Variants in MXI1 observed in about 807,000 individuals in gnomAD.
MXI1 encodes MAX interactor 1, dimerization protein.
Under a neutral mutation model 36.9 loss-of-function variants are expected in MXI1, and 18 were observed. The observed-to-expected ratio is 0.49, with a 90% CI of 0.34 to 0.72. MXI1 has a LOEUF of 0.72. Ranked by LOEUF, MXI1 falls within the 30% of genes least tolerant of loss-of-function variation. The probability of loss-of-function intolerance (pLI) is 0.01; values close to 1 mark genes in which losing one functional copy is unlikely to be tolerated. For missense variants in MXI1, 304 were observed against 379.1 expected (o/e 0.80, Z 1.64); for synonymous variants, 160 against 146.7 (o/e 1.09, Z -0.65).
At chr10:110,210,200 G>T in intron 1 of MXI1, 5 of 973,196 alleles carry the variant, frequency 5.1e-6, no homozygotes, top group African/African-American at 1.8e-5. Flanking sequence ...GGCTCCAGAG[G>T]CTGGTGAAGC....
rs897347580 is a variant in MXI1 at position 110,286,576 on chromosome 10, A to G, written c.*1589A>G. ...AATTTCAGTCCTGTAGTTTTATTTT[A>G]TGTTTAGATAGGGCTGGGCAAGGAA... On this transcript the variant is annotated 3_prime_UTR_variant, in exon 6 of 6. Transcript: ENST00000332674. 2 of 151,560 alleles carry G rather than the reference A, an allele frequency of 1.3e-5. No homozygotes were observed. The highest frequency in any genetic ancestry group is 2.9e-5 in the Non-Finnish European group (2 of 67,860). 9.4% of individuals were successfully genotyped at this position (151,560 alleles called of 1,614,324 possible). A position where few individuals can be genotyped will look rare whatever the true frequency, so the allele number is the denominator to read the frequency against.
chr10:110,209,655 G>A (rs979478338), intron 1 of MXI1, among the ~76,000 whole-genome samples: 8 of 152,226 alleles, frequency 5.3e-5, no homozygotes, highest in African/African-American at 1.9e-4. Context: ...ATTCATGCTG[G>A]TCGGAGGGGG....
chr10:110,229,022 C>A (rs895968477), intron 2 of MXI1, among the ~76,000 whole-genome samples: 1 of 152,080 alleles, frequency 6.6e-6, no homozygotes, highest in Non-Finnish European at 1.5e-5. Context: ...GAGTTCAAGA[C>A]CAACCTGGAT....
intron 2 of MXI1, among the ~76,000 whole-genome samples, chr10:110,239,559 T>C (rs1855593015): frequency 6.6e-6 from 1 of 152,182 alleles, no homozygotes; most frequent in Non-Finnish European, 1.5e-5. Flanking sequence ...AGCTTACTGT[T>C]GCTGATTTCT....
intron 3 of MXI1, among the ~76,000 whole-genome samples, chr10:110,267,602 C>T (rs1448903286): frequency 6.6e-6 from 1 of 152,106 alleles, no homozygotes; most frequent in African/African-American, 2.4e-5. Context: ...AAATAAGGTT[C>T]TTTTTTTGAT....
At chr10:110,275,135 A>G (rs1329959766) in intron 3 of MXI1, among the ~76,000 whole-genome samples, 1 of 152,056 alleles carries the variant, frequency 6.6e-6, no homozygotes, top group Non-Finnish European at 1.5e-5. Context: ...TCGGCCTCCC[A>G]AAGTGCTGGG....
At chr10:110,210,381 T>A (rs997123003) in intron 1 of MXI1, 1 of 703,548 alleles carries the variant, frequency 1.4e-6, no homozygotes, top group Admixed American at 6.3e-5. Flanking sequence ...GGAGTATTTT[T>A]AGCTCTCTTG....
chr10:110,215,864 G>T (rs1036920818), intron 1 of MXI1, among the ~76,000 whole-genome samples: 2 of 152,050 alleles, frequency 1.3e-5, no homozygotes, highest in African/African-American at 4.8e-5. Context: ...GGCTCACAGT[G>T]GGGAGAGAGA....
chr10:110,241,397 A>G (rs1564713667), intron 2 of MXI1, among the ~76,000 whole-genome samples: 1 of 152,096 alleles, frequency 6.6e-6, no homozygotes, highest in Non-Finnish European at 1.5e-5. Context: ...TCATAATTGA[A>G]TATTTCAATG....
chr10:110,248,184 G>A (rs1278755212), intron 3 of MXI1, among the ~76,000 whole-genome samples: 3 of 152,108 alleles, frequency 2.0e-5, no homozygotes, highest in South Asian at 2.1e-4. Flanking sequence ...ATCACACACC[G>A]GGGCCTGTTG....
At chr10:110,248,686 T>G (rs536414640) in intron 3 of MXI1, among the ~76,000 whole-genome samples, 17 of 152,320 alleles carry the variant, frequency 1.1e-4, no homozygotes, top group Non-Finnish European at 2.1e-4. Context: ...TAATAGATAT[T>G]CTTTATTAGC....
At chr10:110,267,517 C>G (rs1282744606) in intron 3 of MXI1, among the ~76,000 whole-genome samples, 2 of 152,086 alleles carry the variant, frequency 1.3e-5, no homozygotes, top group Admixed American at 6.5e-5. Flanking sequence ...TCACTTTATT[C>G]CAGCCTGATT....
intron 2 of MXI1, among the ~76,000 whole-genome samples, chr10:110,228,666 T>TA (rs3838773): frequency 4.5e-4 from 68 of 149,708 alleles, no homozygotes; most frequent in South Asian, 1.9e-3. Context: ...CCAAGAAGAT[T>TA]AAAAAAAAAA....
chr10:110,239,988 T>G (rs972389300), intron 2 of MXI1, among the ~76,000 whole-genome samples: 3 of 152,092 alleles, frequency 2.0e-5, no homozygotes, highest in Non-Finnish European at 4.4e-5. Flanking sequence ...TTGCCAGTTT[T>G]GAACTTTATG....
At chr10:110,209,646 T>C (rs1854457979) in intron 1 of MXI1, among the ~76,000 whole-genome samples, 1 of 152,210 alleles carries the variant, frequency 6.6e-6, no homozygotes, top group African/African-American at 2.4e-5. Flanking sequence ...TTCGCAATTA[T>C]TCATGCTGGT....
At chr10:110,210,223 T>C (rs1461846158) in intron 1 of MXI1, 1 of 982,536 alleles carries the variant, frequency 1.0e-6, no homozygotes, top group African/African-American at 1.8e-5. Flanking sequence ...AGGGGCTTCC[T>C]CCCAGCCCAT....
chr10:110,274,070 C>T (rs1590402411), intron 3 of MXI1, among the ~76,000 whole-genome samples: 1 of 152,158 alleles, frequency 6.6e-6, no homozygotes, highest in African/African-American at 2.4e-5. Flanking sequence ...CTAGTAGAGG[C>T]CATTTTATAC....
chr10:110,232,061 C>T (rs1220570356), intron 2 of MXI1, among the ~76,000 whole-genome samples: 2 of 151,974 alleles, frequency 1.3e-5, no homozygotes, highest in East Asian at 1.9e-4. Context: ...TCTGGGTTCA[C>T]GCCATTCTCC....
intron 3 of MXI1, among the ~76,000 whole-genome samples, chr10:110,264,710 T>G (rs1856630901): frequency 6.6e-6 from 1 of 152,156 alleles, no homozygotes; most frequent in Non-Finnish European, 1.5e-5. Flanking sequence ...TTCATCCAGA[T>G]GAAGATTTCT....
Sources: allele counts gnomAD v4.1 joint callset (sites outside exome capture counted in the v4.1 genomes callset), GRCh38; gene constraint gnomAD v4.1.1; transcripts MANE v1.5; gene names NCBI Gene and HGNC (gene_info 2026-07-23, HGNC 2026-07-21).